Variants in TAB1 observed in about 807,000 individuals in gnomAD.
TAB1 encodes TGF-beta activated kinase 1 (MAP3K7) binding protein 1, also known as TGF-beta-activated kinase 1 and MAP3K7-binding protein 1.
Under a neutral mutation model 54.5 loss-of-function variants are expected in TAB1, and 30 were observed. The ratio of observed to expected loss-of-function variants is 0.55; its 90% CI spans 0.41 to 0.75. The LOEUF is 0.75. Among genes scored for constraint, TAB1 ranks in the 30% least tolerant of loss-of-function variants. The pLI, the probability that TAB1 is intolerant of heterozygous loss-of-function variation, is 0.00. For synonymous variants in TAB1, 289 were observed against 286.9 expected (o/e 1.01, Z -0.07); for missense variants, 609 against 683.2 (o/e 0.89, Z 1.21).
chr22:39,432,032 C>G, downstream of TAB1: 1 of 296,678 alleles, frequency 3.4e-6, no homozygotes, highest in Non-Finnish European at 5.0e-6. Context: ...TGGCTGCATT[C>G]CATGCTGCCG....
At chr22:39,405,827 G>T (rs1042293854) in intron 1 of TAB1, among the ~76,000 whole-genome samples, 2 of 152,158 alleles carry the variant, frequency 1.3e-5, no homozygotes, top group African/African-American at 4.8e-5. Context: ...GCGTGAGTCC[G>T]CTGGGGAACA....
downstream of TAB1, chr22:39,433,924 C>T: frequency 6.6e-6 from 4 of 606,842 alleles, no homozygotes; most frequent in Non-Finnish European, 8.1e-6. Flanking sequence ...CTCCATGGGT[C>T]ACTCACTCTC....
downstream of TAB1, chr22:39,433,705 G>A (rs536613913): frequency 6.1e-6 from 6 of 985,408 alleles, no homozygotes; most frequent in South Asian, 4.7e-5. Flanking sequence ...TGCCCGTGTC[G>A]GGATGTTCCT....
At position 39,430,705 on chromosome 22, in the gene TAB1, T is replaced by G; in HGVS notation, c.*483T>G. The stretch of plus-strand genomic sequence containing the variant: ...CAGCCCTGTGCTCCTGCATCCAGAG[T>G]GGAACCCAGGCTGGTGTCCGCATCT... On this transcript the variant is annotated 3_prime_UTR_variant, in exon 11 of 11. Transcript: ENST00000216160. 1 of 1,032,168 alleles carries G rather than the reference T, an allele frequency of 9.7e-7. No homozygotes were observed. The highest frequency in any genetic ancestry group is 1.2e-6 in the Non-Finnish European group (1 of 856,076). 63.9% of individuals were successfully genotyped at this position (1,032,168 alleles called of 1,614,324 possible).
intron 1 of TAB1, among the ~76,000 whole-genome samples, chr22:39,407,811 G>T (rs189045368): frequency 3.3e-5 from 5 of 151,878 alleles, no homozygotes; most frequent in Admixed American, 2.6e-4. Flanking sequence ...TAGTAGAGAC[G>T]GGTTTTCACC....
rs758089533 is a variant in TAB1, at chr22:39,419,671, G to A, written c.776+41G>A. 10 of 1,475,098 alleles carry A rather than the reference G, an allele frequency of 6.8e-6. No homozygotes were observed. The South Asian group carries it at 1.1e-4, about 16-fold the overall frequency. The allele number at this position is 1,475,098 out of a possible 1,614,324, so 91.4% of individuals were successfully genotyped here. ...GCTGTCCCCTGTGCTTGAAAGAACAGAAGGTCCTAGGGAGGCCAAGATGGG... is the reference window on the plus strand; with the variant it reads ...GCTGTCCCCTGTGCTTGAAAGAACAAAAGGTCCTAGGGAGGCCAAGATGGG... On this transcript the variant is annotated intron_variant, in intron 7 of 10. Coordinates refer to ENST00000216160, the MANE Select transcript of TAB1 (RefSeq NM_006116.3).
intron 1 of TAB1, among the ~76,000 whole-genome samples, chr22:39,406,339 C>T (rs1926361757): frequency 1.4e-5 from 2 of 142,860 alleles, no homozygotes; most frequent in South Asian, 4.5e-4. Context: ...GCAGAGCTTG[C>T]AGTGAGCCAA....
downstream of TAB1, chr22:39,433,352 G>A (rs1927658492): frequency 6.2e-6 from 5 of 800,264 alleles, no homozygotes; most frequent in Non-Finnish European, 7.6e-6. Context: ...TCTGGAGGCT[G>A]AGGCAGGAGA....
intron 8 of TAB1, among the ~76,000 whole-genome samples, chr22:39,423,555 A>G (rs1421890974): frequency 6.6e-6 from 1 of 152,212 alleles, no homozygotes; most frequent in Non-Finnish European, 1.5e-5. Context: ...CAGTGAGCCA[A>G]GATCGCACCA....
chr22:39,419,759 C>G (rs1926989756), intron 7 of TAB1, 129 bp downstream of exon 7: 1 of 541,418 alleles, frequency 1.8e-6, no homozygotes, highest in South Asian at 2.5e-5. Flanking sequence ...TGCACTCCAG[C>G]CTGGGCAACA....
At chr22:39,416,023 G>T (rs1021660376) in intron 3 of TAB1, among the ~76,000 whole-genome samples, 1 of 152,162 alleles carries the variant, frequency 6.6e-6, no homozygotes, top group African/African-American at 2.4e-5. Flanking sequence ...AGCCATCCCT[G>T]GGCGTCCAGG....
At chr22:39,421,627 G>T in intron 7 of TAB1, 200 bp from the exon 8 acceptor site, 2 of 617,590 alleles carry the variant, frequency 3.2e-6, no homozygotes, top group Non-Finnish European at 5.5e-6. Context: ...AGTTTTTATG[G>T]CCTTCCAAGC....
intron 8 of TAB1, 96 bp downstream of exon 8, chr22:39,422,067 C>A: frequency 8.6e-7 from 1 of 1,163,290 alleles, no homozygotes; most frequent in Non-Finnish European, 1.1e-6. Flanking sequence ...TTCTCGGAGG[C>A]CGTCACCAGA....
At chr22:39,433,805 C>T (rs917190529), downstream of TAB1, 12 of 985,280 alleles carry the variant, frequency 1.2e-5, no homozygotes, top group Admixed American at 1.8e-4. Flanking sequence ...GTGTTGTTTG[C>T]GGGGCTAGTT....
chr22:39,417,946 G>A lies in TAB1; in HGVS notation c.550+97G>A, dbSNP rs1351398191. 1.6e-5 allele frequency: 23 copies of A among 1,464,260 alleles called. No individual in the cohort carries two copies. The Middle Eastern group carries it at 7.5e-4, about 48-fold the overall frequency. The allele number at this position is 1,464,260 out of a possible 1,614,324, so 90.7% of individuals were successfully genotyped here. The stretch of plus-strand genomic sequence containing the variant: ...ACAATCTGCTTTCCAGACACTTCAC[G>A]CACTTTAAACCCAGGGTCTCCTGAG... On this transcript the variant is annotated intron_variant, in intron 5 of 10. Coordinates refer to ENST00000216160, the MANE Select transcript of TAB1 (RefSeq NM_006116.3).
intron 1 of TAB1, among the ~76,000 whole-genome samples, chr22:39,408,490 C>T (rs561638311): frequency 7.9e-5 from 12 of 152,238 alleles, no homozygotes; most frequent in South Asian, 2.1e-4. Context: ...ATTTCACTGG[C>T]GTTTTTTGTT....
downstream of TAB1, chr22:39,433,233 T>C: frequency 3.1e-6 from 3 of 963,024 alleles, no homozygotes; most frequent in South Asian, 4.8e-5. Context: ...AGGCAGATCA[T>C]GAGGTCAGGA....
At position 39,421,385 on chromosome 22, in the gene TAB1, C is replaced by T. The variant is rs553921793; in HGVS notation, c.777-442C>T. ...ACACACATGTGTTGGCATGTAATGA[C>T]TCTGACCCCAGTCACTAAAGGATCC... On this transcript the variant is annotated intron_variant, in intron 7 of 10. Transcript: ENST00000216160. Among the ~76,000 whole-genome samples, 328 of 152,312 alleles carry T rather than the reference C, an allele frequency of 2.2e-3. 1 individual carries two copies. The highest frequency in any genetic ancestry group is 3.7e-3 in the Non-Finnish European group (253 of 68,026).
At chr22:39,432,656 G>C (rs908557602), downstream of TAB1, 1 of 728,650 alleles carries the variant, frequency 1.4e-6, no homozygotes, top group Non-Finnish European at 1.7e-6. Flanking sequence ...GAGAGAGAGA[G>C]AGACATGGTG....
Sources: gnomAD v4.1 joint callset for allele counts (sites outside exome capture counted in the v4.1 genomes callset) on GRCh38, gnomAD v4.1.1 for gene constraint, MANE v1.5 for transcripts, NCBI Gene and HGNC (gene_info 2026-07-23, HGNC 2026-07-21) for gene names.